Variants in FAM120C observed in about 807,000 individuals in gnomAD.
FAM120C encodes the protein constitutive coactivator of PPAR-gamma-like protein 2.
FAM120C carries 14 observed loss-of-function variants against 71.2 expected under a neutral mutation model. That is an observed-to-expected ratio of 0.20 (90% confidence interval 0.13 to 0.31). The LOEUF is 0.31. FAM120C is among the 10% of genes least tolerant of loss of function. The pLI is 1.00. For missense variants in FAM120C, 500 were observed against 879.0 expected, an observed-to-expected ratio of 0.57 and a Z score of 5.45; for synonymous variants, 354 against 353.2, an observed-to-expected ratio of 1.00 and a Z score of -0.03.
chrX:54,081,035 G>A (rs1315954338), intron 14 of FAM120C, among the ~76,000 whole-genome samples: 1 of 108,858 alleles, frequency 9.2e-6, no homozygotes, highest in Non-Finnish European at 1.9e-5. Context: ...GCCAGTCATG[G>A]TGATGCACAT....
intron 9 of FAM120C, among the ~76,000 whole-genome samples, chrX:54,124,489 C>CT (rs1171440896): frequency 1.9e-4 from 17 of 89,212 alleles, no homozygotes; most frequent in South Asian, 1.3e-3. Context: ...TTTCCAGGTG[C>CT]GTCCGTCACC....
chrX:54,115,712 T>C (rs979838320), intron 10 of FAM120C, among the ~76,000 whole-genome samples: 7 of 111,812 alleles, frequency 6.3e-5, no homozygotes, highest in African/African-American at 2.3e-4. Flanking sequence ...GTATTAGTAT[T>C]TGATAGAACA....
At chrX:54,093,257 C>G (rs2066832889) in intron 10 of FAM120C, among the ~76,000 whole-genome samples, 1 of 111,926 alleles carries the variant, frequency 8.9e-6, no homozygotes, top group African/African-American at 3.2e-5. Flanking sequence ...ATATCCTGAA[C>G]CACTGTGCAA....
At chrX:54,168,278 A>G (rs1281823702) in intron 1 of FAM120C, among the ~76,000 whole-genome samples, 4 of 111,683 alleles carry the variant, frequency 3.6e-5, no homozygotes, top group Non-Finnish European at 7.5e-5. Flanking sequence ...CTGGGACTAC[A>G]GGTGTGCACC....
At chrX:54,102,909 G>C (rs868964511) in intron 10 of FAM120C, among the ~76,000 whole-genome samples, 1 of 109,702 alleles carries the variant, frequency 9.1e-6, no homozygotes, top group Admixed American at 9.9e-5. Context: ...TAGTAGAGAC[G>C]GGGTTTCACC....
intron 3 of FAM120C, among the ~76,000 whole-genome samples, chrX:54,153,735 T>C (rs1427982235): frequency 9.1e-6 from 1 of 110,248 alleles, no homozygotes; most frequent in Non-Finnish European, 1.9e-5. Flanking sequence ...GCCCAGCTAA[T>C]TTTTGTATTT....
chrX:54,126,540 C>T (rs1000585095), intron 9 of FAM120C, among the ~76,000 whole-genome samples: 1 of 112,245 alleles, frequency 8.9e-6, no homozygotes, highest in Non-Finnish European at 1.9e-5. Context: ...CAATCCCCCA[C>T]ATATGGCAAG....
In FAM120C at chrX:54,182,870, G is replaced by T. The variant is rs2067359098; in HGVS notation, c.329C>A (p.Pro110His). 9.1e-7 allele frequency: 1 copy of T among 1,094,911 alleles called. No individual in the cohort carries two copies. 90.2% of individuals were successfully genotyped at this position (1,094,911 alleles called of 1,213,427 possible). ...GLHPPLPPPPPPQLPGARVLV... is the reference protein window; with the variant it reads ...GLHPPLPPPPHPQLPGARVLV... ...CACCCGGGCCCCGGGCAGCTGAGGG[G>T]GCGGCGGCGGCGGCAGCGGAGGGTG... The change falls in exon 1 of 16, where the codon CCC becomes CAC. Residue 110 changes from proline to histidine, a missense_variant. This residue lies in a region of FAM120C where 79 missense variants were observed against 78.3 expected (regional missense o/e 1.01). Coordinates refer to ENST00000375180, the MANE Select transcript of FAM120C (RefSeq NM_017848.6).
At position 54,070,827 on chromosome X, in the gene FAM120C, T is replaced by C. The variant is rs1012562992; in HGVS notation, c.*2206A>G. On this transcript the variant is annotated 3_prime_UTR_variant, in exon 16 of 16. Coordinates refer to ENST00000375180, the MANE Select transcript of FAM120C (RefSeq NM_017848.6). Reference sequence around the variant, plus strand: ...TTTTCTTTGGTTTATGTAAGAAGTATCTGGGCAGGGGTCAAGGCATTGCAG... The same window carrying C: ...TTTTCTTTGGTTTATGTAAGAAGTACCTGGGCAGGGGTCAAGGCATTGCAG... 2 of 111,645 alleles carry C rather than the reference T, an allele frequency of 1.8e-5. No individual in the cohort carries two copies. The highest frequency in any genetic ancestry group is 3.8e-5 in the Non-Finnish European group (2 of 53,128). The allele number at this position is 111,645 out of a possible 1,213,427, so 9.2% of individuals were successfully genotyped here. A position where few individuals can be genotyped will look rare whatever the true frequency, so the allele number is the denominator to read the frequency against.
chrX:54,096,777 A>G (rs1557123347), intron 10 of FAM120C, among the ~76,000 whole-genome samples: 1 of 111,841 alleles, frequency 8.9e-6, no homozygotes, highest in Non-Finnish European at 1.9e-5. Flanking sequence ...ATCTCTGATT[A>G]TTCATTCCCT....
chrX:54,140,092 G>A (rs1298028609), intron 4 of FAM120C, among the ~76,000 whole-genome samples: 1 of 108,779 alleles, frequency 9.2e-6, no homozygotes, highest in East Asian at 2.9e-4. Flanking sequence ...TAAGGAGTTC[G>A]AGACTAGCCC....
intron 9 of FAM120C, among the ~76,000 whole-genome samples, chrX:54,117,367 A>C (rs781797284): frequency 3.7e-4 from 33 of 89,732 alleles, no homozygotes; most frequent in African/African-American, 1.2e-3. Flanking sequence ...AATAAAATAA[A>C]ATAAAATAAA....
chrX:54,137,184 C>T (rs2067099169), intron 4 of FAM120C, among the ~76,000 whole-genome samples: 1 of 111,138 alleles, frequency 9.0e-6, no homozygotes, highest in South Asian at 3.7e-4. Flanking sequence ...AACTCCTGAC[C>T]TCAAGTGATC....
At position 54,183,230 on chromosome X, in the gene FAM120C, G is replaced by A. The variant is rs782596822; in HGVS notation, c.-32C>T. 64 of 1,035,055 alleles carry A rather than the reference G, an allele frequency of 6.2e-5. No homozygotes were observed. The highest frequency in any genetic ancestry group is 5.1e-4 in the South Asian group (19 of 37,586). The allele number at this position is 1,035,055 out of a possible 1,213,427, so 85.3% of individuals were successfully genotyped here. On this transcript the variant is annotated 5_prime_UTR_variant, in exon 1 of 16. Coordinates refer to ENST00000375180, the MANE Select transcript of FAM120C (RefSeq NM_017848.6). ...TCGGTGGGCAGACGCGATAGCGGCT[G>A]CGCAAGCAGGATAGGCGACGATCTG... is the stretch of plus-strand genomic sequence containing the variant.
rs1557120123 is a variant in FAM120C, at chrX:54,072,159, T to TCTCACACA, written c.*873_*874insTGTGTGAG. ...CCCACACCCACACACAAGCACACAT[T>TCTCACACA]CACACACACACACACACACACACAC... On this transcript the variant is annotated 3_prime_UTR_variant, in exon 16 of 16. Coordinates refer to ENST00000375180, the MANE Select transcript of FAM120C (RefSeq NM_017848.6). 7.0e-5 allele frequency: 5 copies of TCTCACACA among 71,354 alleles called. No homozygotes were observed. The highest frequency in any genetic ancestry group is 3.5e-4 in the Admixed American group (2 of 5,637). The allele number at this position is 71,354 out of a possible 1,213,427, so 5.9% of individuals were successfully genotyped here. A position where few individuals can be genotyped will look rare whatever the true frequency, so the allele number is the denominator to read the frequency against.
At chrX:54,086,322 A>T (rs2066793987) in intron 12 of FAM120C, among the ~76,000 whole-genome samples, 1 of 112,205 alleles carries the variant, frequency 8.9e-6, no homozygotes, top group African/African-American at 3.2e-5. Flanking sequence ...TCTCCCCCAT[A>T]TCCAAGATTG....
At chrX:54,105,719 AT>A (rs1327923664) in intron 10 of FAM120C, among the ~76,000 whole-genome samples, 1 of 112,105 alleles carries the variant, frequency 8.9e-6, no homozygotes, top group Non-Finnish European at 1.9e-5. Flanking sequence ...AAGTCTCAGG[AT>A]ACAAAATCAA....
At chrX:54,162,164 C>G (rs2067238807) in intron 1 of FAM120C, among the ~76,000 whole-genome samples, 1 of 112,135 alleles carries the variant, frequency 8.9e-6, no homozygotes, top group Non-Finnish European at 1.9e-5. Flanking sequence ...ACTAAATATT[C>G]TGGAGTAGGT....
chrX:54,083,433 C>CCCCACACACACACACA (rs1557121562), intron 13 of FAM120C, among the ~76,000 whole-genome samples: 2 of 78,930 alleles, frequency 2.5e-5, no homozygotes, highest in African/African-American at 9.5e-5. Flanking sequence ...GACCCCATCT[C>CCCCACACACACACACA]CACACACACA....
Sources: gnomAD v4.1 joint callset for allele counts (sites outside exome capture counted in the v4.1 genomes callset) on GRCh38, gnomAD v4.1.1 for gene constraint, gnomAD v4.1.1 regional missense constraint, MANE v1.5 for transcripts, NCBI Gene and HGNC (gene_info 2026-07-23, HGNC 2026-07-21) for gene names.